NARS2: variants seen among roughly 807,000 people sequenced by gnomAD.
The protein encoded by NARS2 is asparaginyl-tRNA synthetase 2, mitochondrial.
NARS2 carries 60 observed loss-of-function variants against 62.9 expected under a neutral mutation model. The ratio of observed to expected loss-of-function variants is 0.95; its 90% CI spans 0.77 to 1.18. The LOEUF (loss-of-function observed/expected upper bound fraction) is 1.18. Among genes scored for constraint, NARS2 ranks in the 50% most tolerant of loss-of-function variants. NARS2 has a pLI of 0.00. For synonymous variants in NARS2, 196 were observed against 200.0 expected (o/e 0.98, Z 0.17); for missense variants, 619 against 576.4 (o/e 1.07, Z -0.76).
In NARS2 at chr11:78,569,095, C is replaced by T. The variant is rs556577107; in HGVS notation, c.252-343G>A. 9.2e-5 allele frequency among the ~76,000 whole-genome samples: 14 copies of T among 151,938 alleles called. No individual in the cohort carries two copies. In the South Asian group the frequency reaches 1.9e-3, roughly 20 times the overall value. On this transcript the variant is annotated intron_variant, in intron 2 of 13. Coordinates refer to ENST00000281038, the MANE Select transcript of NARS2 (RefSeq NM_024678.6). ...AACTGCAAATCAAAATAAAATTTGCCGGGAATTCTCTGTCCTATTTTTGCA... is the reference window on the plus strand; with the variant it reads ...AACTGCAAATCAAAATAAAATTTGCTGGGAATTCTCTGTCCTATTTTTGCA...
chr11:78,494,819 A>AC (rs1351184117), intron 6 of NARS2, among the ~76,000 whole-genome samples: 1 of 152,166 alleles, frequency 6.6e-6, no homozygotes, highest in Non-Finnish European at 1.5e-5. Flanking sequence ...AAACAAACAA[A>AC]AGACAAAATG....
At chr11:78,452,686 G>C (rs1010267510) in intron 11 of NARS2, among the ~76,000 whole-genome samples, 2 of 152,070 alleles carry the variant, frequency 1.3e-5, no homozygotes, top group African/African-American at 4.8e-5. Context: ...TGGGATGACA[G>C]GCATGAGTCA....
chr11:78,468,452 G>A (rs914834793), intron 10 of NARS2, among the ~76,000 whole-genome samples: 2 of 149,930 alleles, frequency 1.3e-5, no homozygotes, highest in East Asian at 1.9e-4. Flanking sequence ...TGTTGCCGAG[G>A]CTGGAATGCA....
At chr11:78,455,650 C>T (rs1393697426) in intron 11 of NARS2, among the ~76,000 whole-genome samples, 4 of 152,092 alleles carry the variant, frequency 2.6e-5, no homozygotes, top group Non-Finnish European at 5.9e-5. Context: ...AGGAACAAAA[C>T]CCAAGTCTCC....
intron 9 of NARS2, 71 bp from the exon 10 acceptor site, chr11:78,469,384 C>G: frequency 3.5e-6 from 4 of 1,141,014 alleles, no homozygotes; most frequent in Non-Finnish European, 5.3e-6. Flanking sequence ...ATTTTAAAAC[C>G]AGAAAAAGCG....
At chr11:78,477,784 C>T (rs947286113) in intron 9 of NARS2, among the ~76,000 whole-genome samples, 5 of 152,192 alleles carry the variant, frequency 3.3e-5, no homozygotes, top group African/African-American at 1.2e-4. Context: ...AGGAATTCTG[C>T]CAGCAGACTG....
chr11:78,469,248 T>G lies in NARS2; in HGVS notation c.1025A>C (p.Glu342Ala). The change falls in exon 10 of 14, where the codon GAG (glutamate) becomes GCG (alanine). Residue 342 changes from glutamate (E) to alanine (A), a missense_variant and splice_region_variant. Coordinates refer to ENST00000281038, the MANE Select transcript of NARS2 (RefSeq NM_024678.6). Reference sequence around the variant, plus strand: ...ATATACATACACACAAAATACTACCTCTGGGGTAAAGGTGAAGTTCTGGGA... The same window carrying G: ...ATATACATACACACAAAATACTACCGCTGGGGTAAAGGTGAAGTTCTGGGA... The part of the protein sequence containing the change: ...QASQNFTFTP[E>A]WGADLRTEHE... 3 of 1,604,336 alleles carry G rather than the reference T, an allele frequency of 1.9e-6. No homozygotes were observed. Among genetic ancestry groups the G allele is most frequent in the Non-Finnish European group, 2.6e-6 (3 of 1,171,216 alleles).
chr11:78,557,775 G>A (rs1056203591), intron 5 of NARS2, among the ~76,000 whole-genome samples: 4 of 148,044 alleles, frequency 2.7e-5, no homozygotes, highest in Admixed American at 6.8e-5. Flanking sequence ...TAGAGGTCAA[G>A]ATATATATAT....
intron 7 of NARS2, 25 bp downstream of exon 7, chr11:78,493,038 G>A (rs369006930): frequency 1.9e-6 from 3 of 1,558,076 alleles, no homozygotes; most frequent in South Asian, 1.2e-5. Context: ...ACAGATACCT[G>A]GTATTTTAAA....
chr11:78,457,829 AAC>A lies in NARS2; in HGVS notation c.1164+8045_1164+8046del, dbSNP rs139460911. Reference sequence around the variant, plus strand: ...ACACACACACACACACACACACACAAACACACACACACACATTGTACTTTATC... The same window carrying A: ...ACACACACACACACACACACACACAAACACACACACACATTGTACTTTATC... On this transcript the variant is annotated intron_variant, in intron 11 of 13. Transcript: ENST00000281038. 1.0e-3 allele frequency among the ~76,000 whole-genome samples: 138 copies of A among 137,046 alleles called. 1 individual carries two copies. Among genetic ancestry groups the A allele is most frequent in the Admixed American group, 8.3e-3 (116 of 13,938 alleles). The allele number at this position is 137,046 out of a possible 152,430, so 89.9% of individuals were successfully genotyped here.
chr11:78,558,116 G>C (rs1258325884), intron 5 of NARS2: 1 of 152,048 alleles, frequency 6.6e-6, no homozygotes, highest in Admixed American at 6.6e-5. Flanking sequence ...AAAGTGCAAA[G>C]AGAAAATAAA....
intron 4 of NARS2, among the ~76,000 whole-genome samples, chr11:78,559,991 A>C (rs1856502417): frequency 6.6e-6 from 1 of 152,316 alleles, no homozygotes; most frequent in South Asian, 2.1e-4. Flanking sequence ...CCATTTCTCT[A>C]ACATTTTGGT....
In NARS2 at chr11:78,436,576, G is replaced by T; in HGVS notation, c.*94C>A. On this transcript the variant is annotated 3_prime_UTR_variant, in exon 14 of 14. Coordinates refer to ENST00000281038, the MANE Select transcript of NARS2 (RefSeq NM_024678.6). ...GCACAACAATTACATATTGAAATCT[G>T]CATTTCTAAAATCCAAACATGCATT... The T allele has an allele frequency of 1.5e-6, 2 of 1,307,196 alleles. No homozygotes were observed. The highest frequency in any genetic ancestry group is 2.1e-6 in the Non-Finnish European group (2 of 945,894). The allele number at this position is 1,307,196 out of a possible 1,614,324, so 81.0% of individuals were successfully genotyped here.
chr11:78,559,695 T>C, intron 4 of NARS2, 76 bp from the exon 5 acceptor site: 1 of 967,844 alleles, frequency 1.0e-6, no homozygotes, highest in Non-Finnish European at 1.6e-6. Context: ...CTTATAGTAT[T>C]AAAATGGCAC....
chr11:78,541,969 T>C (rs569181287), intron 5 of NARS2, among the ~76,000 whole-genome samples: 4 of 152,228 alleles, frequency 2.6e-5, no homozygotes, highest in African/African-American at 9.6e-5. Context: ...TAACAAGCCA[T>C]ATATGTAGGT....
intron 5 of NARS2, among the ~76,000 whole-genome samples, chr11:78,547,512 G>GT (rs1855926907): frequency 6.6e-6 from 1 of 152,224 alleles, no homozygotes; most frequent in Non-Finnish European, 1.5e-5. Context: ...GGCAGAAGCA[G>GT]TAAGAGGTAC....
chr11:78,555,755 A>G (rs1274472619), intron 5 of NARS2, among the ~76,000 whole-genome samples: 1 of 151,632 alleles, frequency 6.6e-6, no homozygotes, highest in Admixed American at 6.6e-5. Flanking sequence ...TTCTCTAATT[A>G]TTTCCGTTGT....
chr11:78,486,049 ATTT>A (rs1168836239), intron 7 of NARS2, among the ~76,000 whole-genome samples: 1 of 151,930 alleles, frequency 6.6e-6, no homozygotes, highest in African/African-American at 2.4e-5. Flanking sequence ...TAATTTTTGT[ATTT>A]TTAGTAGAGA....
At chr11:78,530,248 G>A (rs1352382925) in intron 5 of NARS2, among the ~76,000 whole-genome samples, 1 of 151,954 alleles carries the variant, frequency 6.6e-6, no homozygotes, top group South Asian at 2.1e-4. Context: ...TACTTGATCT[G>A]ATATATGTTA....
Sources: allele counts gnomAD v4.1 joint callset (sites outside exome capture counted in the v4.1 genomes callset), GRCh38; gene constraint gnomAD v4.1.1; transcripts MANE v1.5; gene names NCBI Gene and HGNC (gene_info 2026-07-23, HGNC 2026-07-21).